The following TMEM266 variants were observed in gnomAD, a reference collection of about 807,000 sequenced individuals.
TMEM266 encodes the protein Hv1 related protein 1.
In TMEM266, 33 loss-of-function variants were observed where a neutral mutation model predicts 50.5. That is an observed-to-expected ratio of 0.65 (90% CI 0.50 to 0.87). TMEM266 has a LOEUF of 0.87. TMEM266 is among the 40% of genes least tolerant of loss of function. TMEM266 has a pLI of 0.00. For missense variants in TMEM266, 655 were observed against 695.1 expected (o/e 0.94, Z 0.65); for synonymous variants, 310 against 292.3 (o/e 1.06, Z -0.62).
intron 3 of TMEM266, among the ~76,000 whole-genome samples, chr15:76,150,629 A>G (rs1048922600): frequency 6.6e-6 from 1 of 152,174 alleles, no homozygotes; most frequent in Non-Finnish European, 1.5e-5. Context: ...CAGCCACTGC[A>G]GACCAATTGC....
intron 1 of TMEM266, among the ~76,000 whole-genome samples, chr15:76,125,105 A>G (rs2037400418): frequency 6.6e-6 from 1 of 152,202 alleles, no homozygotes. Context: ...AGTCTCTTCA[A>G]TAGAAAAACT....
intron 9 of TMEM266, among the ~76,000 whole-genome samples, chr15:76,198,978 G>A (rs535498960): frequency 6.6e-6 from 1 of 152,252 alleles, no homozygotes; most frequent in Non-Finnish European, 1.5e-5. Context: ...ACCCCTCATG[G>A]CCACCTAGGG....
At chr15:76,061,934 G>C (rs2036311235) in intron 1 of TMEM266, among the ~76,000 whole-genome samples, 1 of 152,180 alleles carries the variant, frequency 6.6e-6, no homozygotes, top group African/African-American at 2.4e-5. Flanking sequence ...ATCCGTACCA[G>C]CCGTGGCTCG....
chr15:76,169,362 C>T (rs1290686047), intron 5 of TMEM266, among the ~76,000 whole-genome samples: 2 of 152,022 alleles, frequency 1.3e-5, no homozygotes, highest in East Asian at 3.9e-4. Context: ...AGGGAGTCAA[C>T]TGCGTTTTTG....
At chr15:76,125,234 T>C (rs955737205) in intron 1 of TMEM266, among the ~76,000 whole-genome samples, 5 of 152,112 alleles carry the variant, frequency 3.3e-5, no homozygotes, top group African/African-American at 9.7e-5. Flanking sequence ...GGTCTTGGCA[T>C]TGATATTTTG....
rs544667264 is a variant in TMEM266, at chr15:76,151,581, C to G, written c.228-5023C>G. 3.7e-4 allele frequency among the ~76,000 whole-genome samples: 56 copies of G among 152,204 alleles called. 1 individual carries two copies. The South Asian group carries it at 6.2e-3, about 17-fold the overall frequency. Reference sequence around the variant, plus strand: ...CTACCTGAACACTCTTGCCCCACCCCACACACATAGCCTGCCTGCACTATT... The same window carrying G: ...CTACCTGAACACTCTTGCCCCACCCGACACACATAGCCTGCCTGCACTATT... On this transcript the variant is annotated intron_variant, in intron 3 of 10. Coordinates refer to ENST00000388942, the MANE Select transcript of TMEM266 (RefSeq NM_152335.3).
intron 5 of TMEM266, among the ~76,000 whole-genome samples, chr15:76,164,378 G>C (rs1051145254): frequency 1.3e-5 from 2 of 152,012 alleles, no homozygotes; most frequent in African/African-American, 4.8e-5. Flanking sequence ...GCTAATTTTT[G>C]TATGTTTTTT....
chr15:76,189,876 TGC>T (rs1296108010), intron 8 of TMEM266, among the ~76,000 whole-genome samples: 5 of 152,162 alleles, frequency 3.3e-5, no homozygotes, highest in Non-Finnish European at 7.4e-5. Flanking sequence ...CCTATTCCCC[TGC>T]CCTACTCCCA....
intron 1 of TMEM266, among the ~76,000 whole-genome samples, chr15:76,070,408 A>G (rs1425975967): frequency 6.6e-6 from 1 of 152,236 alleles, no homozygotes; most frequent in African/African-American, 2.4e-5. Flanking sequence ...GGACTATGGA[A>G]ATTCAACTGT....
At chr15:76,127,420 G>A (rs532673349) in intron 1 of TMEM266, among the ~76,000 whole-genome samples, 9 of 151,396 alleles carry the variant, frequency 5.9e-5, no homozygotes, top group East Asian at 5.8e-4. Context: ...TCAAACTCCC[G>A]GTCTCAAGCA....
chr15:76,156,227 A>T (rs1417550722), intron 3 of TMEM266, among the ~76,000 whole-genome samples: 3 of 152,158 alleles, frequency 2.0e-5, no homozygotes, highest in Non-Finnish European at 4.4e-5. Context: ...GGGCATGGTG[A>T]CACACACCTG....
intron 1 of TMEM266, among the ~76,000 whole-genome samples, chr15:76,071,571 A>T (rs558089667): frequency 2.0e-5 from 3 of 152,208 alleles, no homozygotes; most frequent in Admixed American, 2.0e-4. Flanking sequence ...GGAGATTCTC[A>T]TAAGGCCTCT....
intron 1 of TMEM266, among the ~76,000 whole-genome samples, chr15:76,126,674 G>A (rs1276714756): frequency 6.6e-6 from 1 of 151,794 alleles, no homozygotes; most frequent in Non-Finnish European, 1.5e-5. Flanking sequence ...TGGGATTACA[G>A]GCGCCCACCA....
intron 8 of TMEM266, among the ~76,000 whole-genome samples, chr15:76,184,640 G>A (rs1055357037): frequency 6.6e-6 from 1 of 152,234 alleles, no homozygotes; most frequent in African/African-American, 2.4e-5. Context: ...GCCAAAGTGT[G>A]CATTGATCAG....
chr15:76,200,919 C>T (rs941016748), intron 9 of TMEM266, among the ~76,000 whole-genome samples: 1 of 152,184 alleles, frequency 6.6e-6, no homozygotes, highest in East Asian at 1.9e-4. Context: ...AAGAGCCAGG[C>T]CCTTCTGTGC....
At chr15:76,170,045 T>C (rs1044533514) in intron 6 of TMEM266, among the ~76,000 whole-genome samples, 173 bp downstream of exon 6, 3 of 152,130 alleles carry the variant, frequency 2.0e-5, no homozygotes, top group Non-Finnish European at 2.9e-5. Context: ...TGAGACTGTT[T>C]CCAGCAAAGG....
At chr15:76,142,567 G>A (rs1161977715) in intron 3 of TMEM266, among the ~76,000 whole-genome samples, 2 of 152,210 alleles carry the variant, frequency 1.3e-5, no homozygotes, top group Non-Finnish European at 2.9e-5. Context: ...TGAGGGCTGT[G>A]ATATCTCCTT....
chr15:76,136,238 C>T (rs561960931), intron 2 of TMEM266, among the ~76,000 whole-genome samples: 19 of 152,174 alleles, frequency 1.2e-4, no homozygotes, highest in Admixed American at 2.0e-4. Context: ...CCACCATGCC[C>T]GGCCTGCAGC....
intron 8 of TMEM266, among the ~76,000 whole-genome samples, chr15:76,183,630 C>T (rs967788929): frequency 6.6e-6 from 1 of 152,208 alleles, no homozygotes; most frequent in African/African-American, 2.4e-5. Context: ...AAAACAGTCG[C>T]CTGCACAGTC....
Sources: allele counts gnomAD v4.1 joint callset (sites outside exome capture counted in the v4.1 genomes callset), GRCh38; gene constraint gnomAD v4.1.1; transcripts MANE v1.5; gene names NCBI Gene and HGNC (gene_info 2026-07-23, HGNC 2026-07-21).